Variants in KCNN1 observed in about 807,000 individuals in gnomAD.
The protein encoded by KCNN1 is small conductance calcium-activated potassium channel protein 1.
In KCNN1, 20 loss-of-function variants were observed where a neutral mutation model predicts 44.7. The observed-to-expected ratio is 0.45, with a 90% CI of 0.32 to 0.65. The LOEUF (loss-of-function observed/expected upper bound fraction) is 0.65, where lower values mean the gene tolerates loss of function less well. KCNN1 is among the 30% of genes least tolerant of loss of function. KCNN1 has a pLI of 0.05. For missense variants in KCNN1, 632 were observed against 785.3 expected (o/e 0.80, Z 2.33); for synonymous variants, 324 against 341.7 (o/e 0.95, Z 0.57).
At chr19:17,994,319 T>C (rs1055157474) in intron 9 of KCNN1, among the ~76,000 whole-genome samples, 4 of 151,624 alleles carry the variant, frequency 2.6e-5, no homozygotes, top group Non-Finnish European at 4.4e-5. Flanking sequence ...TGGTGGTGAG[T>C]GCCTGTAGTC....
intron 3 of KCNN1, among the ~76,000 whole-genome samples, chr19:17,976,908 G>A (rs1300700855): frequency 6.6e-6 from 1 of 151,798 alleles, no homozygotes; most frequent in Non-Finnish European, 1.5e-5. Context: ...TACAGATGGG[G>A]TTTCACCATA....
chr19:17,956,040 C>T (rs945298411), intron 2 of KCNN1, among the ~76,000 whole-genome samples: 19 of 152,092 alleles, frequency 1.2e-4, no homozygotes, highest in African/African-American at 4.1e-4. Flanking sequence ...CGGGTTCAAG[C>T]GATTCTCCTG....
chr19:17,972,063 C>T (rs1268394051), intron 1 of KCNN1: 2 of 152,054 alleles, frequency 1.3e-5, no homozygotes, highest in Non-Finnish European at 2.9e-5. Flanking sequence ...CCGATCTCAT[C>T]TGATCTCGGA....
chr19:17,983,279 G>A lies in KCNN1; in HGVS notation c.917+1152G>A, dbSNP rs534804022. Among the ~76,000 whole-genome samples the A allele has an allele frequency of 9.2e-5, 14 of 152,230 alleles. No individual in the cohort carries two copies. Among genetic ancestry groups the A allele is most frequent in the African/African-American group, 2.9e-4 (12 of 41,552 alleles). ...CTGGGAGAGGGTCTCCCTGCCATGC[G>A]CCTAGCTGGTGGAGGCCCTGGAGGG... On this transcript the variant is annotated intron_variant, in intron 4 of 9. Coordinates refer to ENST00000684775, the MANE Select transcript of KCNN1 (RefSeq NM_001386974.1). This position sits in a 1 kb window ranked among gnomAD's most constrained non-coding sequence, Gnocchi z 4.5.
intron 1 of KCNN1, among the ~76,000 whole-genome samples, chr19:17,952,831 G>A (rs1239325958): frequency 6.6e-6 from 1 of 152,052 alleles, no homozygotes; most frequent in African/African-American, 2.4e-5. Context: ...TTTTCCCTAA[G>A]CTCCCTCCCT....
rs1040155342 is a variant in KCNN1 at position 17,983,739 on chromosome 19, G to A, written c.918-1573G>A. Among the ~76,000 whole-genome samples the A allele has an allele frequency of 1.2e-4, 18 of 151,536 alleles. No homozygotes were observed. Among genetic ancestry groups the A allele is most frequent in the Non-Finnish European group, 2.4e-4 (16 of 67,826 alleles). On this transcript the variant is annotated intron_variant, in intron 4 of 9. Coordinates refer to ENST00000684775, the MANE Select transcript of KCNN1 (RefSeq NM_001386974.1). This position sits in a 1 kb window ranked among gnomAD's most constrained non-coding sequence, Gnocchi z 4.5. ...CAGCCGTGCTCCTGGGTGGTCCCGCGGCACCCCCCACCATCGCTCCGTCTG... is the reference window on the plus strand; with the variant it reads ...CAGCCGTGCTCCTGGGTGGTCCCGCAGCACCCCCCACCATCGCTCCGTCTG...
chr19:17,998,748 C>T lies in KCNN1; in HGVS notation c.*342C>T, dbSNP rs1047136546. 5 of 243,110 alleles carry T rather than the reference C, an allele frequency of 2.1e-5. No homozygotes were observed. The highest frequency in any genetic ancestry group is 9.0e-5 in the African/African-American group (4 of 44,438). The allele number at this position is 243,110 out of a possible 1,614,324, so 15.1% of individuals were successfully genotyped here. A position where few individuals can be genotyped will look rare whatever the true frequency, so the allele number is the denominator to read the frequency against. Reference sequence around the variant, plus strand: ...CATGGCTGGAAGGCACTGGTGATGTCCCAGGAGGTAGACCTCCAGCCCTGG... The same window carrying T: ...CATGGCTGGAAGGCACTGGTGATGTTCCAGGAGGTAGACCTCCAGCCCTGG... On this transcript the variant is annotated 3_prime_UTR_variant, in exon 10 of 10. Coordinates refer to ENST00000684775, the MANE Select transcript of KCNN1 (RefSeq NM_001386974.1). This position sits in a 1 kb window ranked among gnomAD's most constrained non-coding sequence, Gnocchi z 5.4.
At chr19:17,989,965 C>T in intron 7 of KCNN1, 122 bp downstream of exon 7, 6 of 1,393,686 alleles carry the variant, frequency 4.3e-6, no homozygotes, top group Non-Finnish European at 6.1e-6. Flanking sequence ...TGGTTGGGGC[C>T]TGCATCTTCT....
At chr19:17,992,823 C>T (rs1001235056) in intron 7 of KCNN1, among the ~76,000 whole-genome samples, 2 of 152,098 alleles carry the variant, frequency 1.3e-5, no homozygotes, top group Non-Finnish European at 2.9e-5. Context: ...AATGAAACAC[C>T]GCCTCCGGTG....
rs1010204413 is a variant in KCNN1 at position 17,955,576 on chromosome 19, A to G, written c.-82+895A>G. Reference sequence around the variant, plus strand: ...AACTCCATCTCCAAAAAAAAAAAAAAAAAGAAAGAAAGAAAAAAAATAATA... The same window carrying G: ...AACTCCATCTCCAAAAAAAAAAAAAGAAAGAAAGAAAGAAAAAAAATAATA... On this transcript the variant is annotated intron_variant, in intron 2 of 10. Transcript: ENST00000222249. Among the ~76,000 whole-genome samples, 40 of 149,228 alleles carry G rather than the reference A, an allele frequency of 2.7e-4. No homozygotes were observed. In the East Asian group the frequency reaches 3.3e-3, roughly 12 times the overall value.
At chr19:17,969,997 G>T (rs1156937704) in intron 1 of KCNN1, among the ~76,000 whole-genome samples, 1 of 152,252 alleles carries the variant, frequency 6.6e-6, no homozygotes, top group East Asian at 1.9e-4. Context: ...GGAAAGATCA[G>T]GGCCAAGGTC....
chr19:17,992,154 C>T (rs1324501882), intron 7 of KCNN1, among the ~76,000 whole-genome samples: 1 of 151,940 alleles, frequency 6.6e-6, no homozygotes, highest in East Asian at 1.9e-4. Context: ...AACCCCATCT[C>T]TACTAAAAAT....
chr19:17,975,567 C>T (rs2032179627), intron 3 of KCNN1, among the ~76,000 whole-genome samples: 1 of 151,966 alleles, frequency 6.6e-6, no homozygotes, highest in Admixed American at 6.6e-5. Flanking sequence ...ATTACAGGCG[C>T]ATGGCACCAC....
At chr19:17,985,525 C>A in intron 5 of KCNN1, 72 bp downstream of exon 5, 3 of 1,404,180 alleles carry the variant, frequency 2.1e-6, no homozygotes, top group Non-Finnish European at 2.9e-6. Context: ...CCCTTGCATA[C>A]CCCTTGCTGA....
At chr19:17,992,830 G>A (rs558694667) in intron 7 of KCNN1, among the ~76,000 whole-genome samples, 2 of 152,140 alleles carry the variant, frequency 1.3e-5, no homozygotes, top group Admixed American at 6.5e-5. Context: ...CACCGCCTCC[G>A]GTGGTGGTGA....
At chr19:17,986,030 G>T (rs2032582487) in intron 5 of KCNN1, among the ~76,000 whole-genome samples, 1 of 152,178 alleles carries the variant, frequency 6.6e-6, no homozygotes, top group East Asian at 1.9e-4. Context: ...GGGAGTTTGA[G>T]ATCAGCCTGT....
At chr19:17,967,454 C>T in intron 1 of KCNN1, 137 bp downstream of exon 1, 1 of 254,932 alleles carries the variant, frequency 3.9e-6, no homozygotes, top group Non-Finnish European at 6.2e-6. Flanking sequence ...CGGTCCGGAG[C>T]CTAGGAGACA....
In KCNN1 at chr19:17,983,738, C is replaced by T. The variant is rs529277669; in HGVS notation, c.918-1574C>T. Among the ~76,000 whole-genome samples the T allele has an allele frequency of 1.1e-3, 166 of 152,086 alleles. No homozygotes were observed. Among genetic ancestry groups the T allele is most frequent in the Admixed American group, 2.4e-3 (37 of 15,280 alleles). ...CCAGCCGTGCTCCTGGGTGGTCCCG[C>T]GGCACCCCCCACCATCGCTCCGTCT... On this transcript the variant is annotated intron_variant, in intron 4 of 9. Coordinates refer to ENST00000684775, the MANE Select transcript of KCNN1 (RefSeq NM_001386974.1). This position sits in a 1 kb window ranked among gnomAD's most constrained non-coding sequence, Gnocchi z 4.5.
chr19:17,989,604 C>T (rs1302431255), intron 6 of KCNN1, 112 bp from the exon 7 acceptor site: 1 of 1,496,698 alleles, frequency 6.7e-7, no homozygotes, highest in Non-Finnish European at 9.2e-7. Flanking sequence ...GCCCAGGGAC[C>T]CTGAGAGGCA....
Sources: allele counts gnomAD v4.1 joint callset (sites outside exome capture counted in the v4.1 genomes callset), GRCh38; gene constraint gnomAD v4.1.1; non-coding constraint Gnocchi (gnomAD v3.1); transcripts MANE v1.5; gene names NCBI Gene and HGNC (gene_info 2026-07-23, HGNC 2026-07-21).